PRR16: variants seen among roughly 807,000 people sequenced by gnomAD.
PRR16 encodes proline rich 16.
A neutral mutation model predicts 18.2 loss-of-function variants in PRR16; 6 were observed. That is an observed-to-expected ratio of 0.33 (90% CI 0.18 to 0.65). The LOEUF is 0.65. PRR16 is among the 30% of genes least tolerant of loss of function. The pLI is 0.74. For missense variants in PRR16, 412 were observed against 376.6 expected (o/e 1.09, Z -0.78); for synonymous variants, 151 against 147.8 (o/e 1.02, Z -0.16).
In PRR16 at chr5:120,527,215, A is replaced by G. The variant is rs544155346; in HGVS notation, c.159+62570A>G. ...TTTGTATAACAAACAAATTTCCACA[A>G]TTTTAATGATGAAATTCAAAATAAT... is the stretch of plus-strand genomic sequence containing the variant. On this transcript the variant is annotated intron_variant, in intron 1 of 1. Coordinates refer to ENST00000407149, the MANE Select transcript of PRR16 (RefSeq NM_001300783.2). Among the ~76,000 whole-genome samples, 563 of 152,298 alleles carry G rather than the reference A, an allele frequency of 3.7e-3. 4 individuals carry two copies. The highest frequency in any genetic ancestry group is 5.8e-3 in the Non-Finnish European group (396 of 68,022).
chr5:120,786,225 G>A, the PRR16 span, among the ~76,000 whole-genome samples: 41 of 151,146 alleles, frequency 2.7e-4, no homozygotes, highest in African/African-American at 9.2e-4. Context: ...TAGAGGGATA[G>A]CAAAACATAT....
At chr5:120,535,736 G>T (rs1365826882) in intron 1 of PRR16, among the ~76,000 whole-genome samples, 1 of 151,932 alleles carries the variant, frequency 6.6e-6, no homozygotes, top group African/African-American at 2.4e-5. Flanking sequence ...GGAGGCGGAG[G>T]TTGCAGTGAG....
At chr5:120,733,953 AT>A in the PRR16 span, among the ~76,000 whole-genome samples, 1 of 152,330 alleles carries the variant, frequency 6.6e-6, no homozygotes, top group African/African-American at 2.4e-5. Flanking sequence ...AATCTGTGTT[AT>A]CCCTTACTTA....
chr5:120,514,002 C>A (rs1253557278), intron 1 of PRR16, among the ~76,000 whole-genome samples: 1 of 152,136 alleles, frequency 6.6e-6, no homozygotes, highest in Non-Finnish European at 1.5e-5. Flanking sequence ...TCGTGATCCA[C>A]CCACCTCGGC....
chr5:120,631,655 A>G (rs964099386), intron 1 of PRR16, among the ~76,000 whole-genome samples: 2 of 152,030 alleles, frequency 1.3e-5, no homozygotes, highest in African/African-American at 4.8e-5. Flanking sequence ...CTACACTCCT[A>G]TTCCCCACAA....
chr5:120,788,587 A>G, the PRR16 span, among the ~76,000 whole-genome samples: 1 of 152,108 alleles, frequency 6.6e-6, no homozygotes, highest in Non-Finnish European at 1.5e-5. Context: ...AGATGATACA[A>G]AAATGGCACC....
chr5:120,653,431 T>G (rs1238593496), intron 1 of PRR16, among the ~76,000 whole-genome samples: 2 of 152,038 alleles, frequency 1.3e-5, no homozygotes, highest in African/African-American at 2.4e-5. Context: ...TATTAACCCA[T>G]AAGTATAATA....
chr5:120,579,236 G>A (rs572349333), intron 1 of PRR16, among the ~76,000 whole-genome samples: 35 of 152,176 alleles, frequency 2.3e-4, no homozygotes, highest in African/African-American at 7.5e-4. Context: ...CTTTTGCTGT[G>A]CAGAAGCTCT....
At chr5:120,662,997 C>T (rs2150139635) in intron 1 of PRR16, among the ~76,000 whole-genome samples, 1 of 152,272 alleles carries the variant, frequency 6.6e-6, no homozygotes, top group South Asian at 2.1e-4. Context: ...ATTATTCCTA[C>T]TGTCCAGTGT....
chr5:120,652,662 G>T (rs1461153166), intron 1 of PRR16, among the ~76,000 whole-genome samples: 2 of 151,860 alleles, frequency 1.3e-5, no homozygotes, highest in Non-Finnish European at 2.9e-5. Context: ...AAACTGCTAA[G>T]GTCATGAAAA....
intron 1 of PRR16, among the ~76,000 whole-genome samples, chr5:120,506,929 T>TG (rs1375360941): frequency 2.0e-5 from 3 of 152,102 alleles, no homozygotes; most frequent in Non-Finnish European, 4.4e-5. Flanking sequence ...GGGAGGCTAA[T>TG]GGGGGTCAGT....
the PRR16 span, among the ~76,000 whole-genome samples, chr5:120,786,180 C>T: frequency 6.7e-6 from 1 of 149,042 alleles, no homozygotes; most frequent in Non-Finnish European, 1.5e-5. Context: ...GTTTGGTAAT[C>T]TAAATTCCCA....
At position 120,595,252 on chromosome 5, in the gene PRR16, A is replaced by G. The variant is rs529978105; in HGVS notation, c.160-90702A>G. ...TAACGAAATTTGCAAGCAAAATCAA[A>G]CAATCTCATTAAAAAGTGGGCAAAT... On this transcript the variant is annotated intron_variant, in intron 1 of 1. Transcript: ENST00000407149. 2.6e-5 allele frequency among the ~76,000 whole-genome samples: 4 copies of G among 152,108 alleles called. No individual in the cohort carries two copies. In the South Asian group the frequency reaches 8.3e-4, roughly 32 times the overall value.
chr5:120,499,803 T>A (rs942821875), intron 1 of PRR16, among the ~76,000 whole-genome samples: 1 of 152,020 alleles, frequency 6.6e-6, no homozygotes, highest in Non-Finnish European at 1.5e-5. Context: ...ATCTTCCTGG[T>A]TCTTGGTGTG....
intron 1 of PRR16, among the ~76,000 whole-genome samples, chr5:120,487,930 G>C (rs1365010237): frequency 6.6e-6 from 1 of 152,106 alleles, no homozygotes; most frequent in Non-Finnish European, 1.5e-5. Context: ...CTTTGTTTCT[G>C]TTTATATGCT....
At chr5:120,506,662 C>G (rs1374336734) in intron 1 of PRR16, among the ~76,000 whole-genome samples, 1 of 152,026 alleles carries the variant, frequency 6.6e-6, no homozygotes, top group Non-Finnish European at 1.5e-5. Context: ...TTATCAAAGG[C>G]CCAGGCATCT....
At chr5:120,717,848 G>A in the PRR16 span, among the ~76,000 whole-genome samples, 1 of 152,032 alleles carries the variant, frequency 6.6e-6, no homozygotes, top group African/African-American at 2.4e-5. Flanking sequence ...CAACTATTGA[G>A]GTTTGATCTT....
At chr5:120,588,431 A>G (rs1007228987) in intron 1 of PRR16, among the ~76,000 whole-genome samples, 3 of 152,166 alleles carry the variant, frequency 2.0e-5, no homozygotes, top group African/African-American at 4.8e-5. Flanking sequence ...TGCCACAGCC[A>G]TCCCAACCTT....
At chr5:120,511,301 A>G (rs1170634719) in intron 1 of PRR16, among the ~76,000 whole-genome samples, 1 of 152,146 alleles carries the variant, frequency 6.6e-6, no homozygotes, top group Non-Finnish European at 1.5e-5. Flanking sequence ...CAAAAAACCC[A>G]TATTTTTGGG....
Sources: allele counts gnomAD v4.1 joint callset (sites outside exome capture counted in the v4.1 genomes callset), GRCh38; gene constraint gnomAD v4.1.1; transcripts MANE v1.5; gene names NCBI Gene and HGNC (gene_info 2026-07-23, HGNC 2026-07-21).